CSMD1: variants seen among roughly 807,000 people sequenced by gnomAD.
CSMD1 encodes the protein CUB and sushi domain-containing protein 1.
Under a neutral mutation model 417.5 loss-of-function variants are expected in CSMD1, and 213 were observed. The observed-to-expected ratio is 0.51, with a 90% CI of 0.46 to 0.57. CSMD1 has a LOEUF of 0.57. Among genes scored for constraint, CSMD1 ranks in the 20% least tolerant of loss-of-function variants. The pLI, the probability that CSMD1 is intolerant of heterozygous loss-of-function variation, is 0.00. For missense variants in CSMD1, 6,923 were observed against 4,529.7 expected (o/e 1.53, Z -15.17); for synonymous variants, 2,862 against 1,736.8 (o/e 1.65, Z -16.11).
In CSMD1 at chr8:4,891,433, A is replaced by G. The variant is rs572264091; in HGVS notation, c.85+102899T>C. On this transcript the variant is annotated intron_variant, in intron 1 of 69. Coordinates refer to ENST00000635120, the MANE Select transcript of CSMD1 (RefSeq NM_033225.6). ...AGCTTTCATTCCTCTGATACATGCTACTGTGTGTGAACCTAATTTAAGTTT... is the reference window on the plus strand; with the variant it reads ...AGCTTTCATTCCTCTGATACATGCTGCTGTGTGTGAACCTAATTTAAGTTT... Among the ~76,000 whole-genome samples the G allele has an allele frequency of 5.3e-5, 8 of 152,254 alleles. No homozygotes were observed. The South Asian group carries it at 1.7e-3, about 32-fold the overall frequency.
chr8:3,034,846 T>C (rs935867780), intron 50 of CSMD1, among the ~76,000 whole-genome samples: 1 of 152,150 alleles, frequency 6.6e-6, no homozygotes, highest in Non-Finnish European at 1.5e-5. Flanking sequence ...GATGGTAGAA[T>C]ACATGAAGCT....
intron 35 of CSMD1, among the ~76,000 whole-genome samples, 157 bp downstream of exon 35, chr8:3,188,730 G>C (rs1265980714): frequency 6.6e-6 from 1 of 152,032 alleles, no homozygotes; most frequent in Non-Finnish European, 1.5e-5. Context: ...AAGGGAAACA[G>C]AGTATAGTCT....
intron 1 of CSMD1, among the ~76,000 whole-genome samples, chr8:4,948,238 AG>A (rs2117269973): frequency 6.6e-6 from 1 of 152,200 alleles, no homozygotes; most frequent in Non-Finnish European, 1.5e-5. Flanking sequence ...AATAGTATCA[AG>A]GTTTTAATTT....
intron 1 of CSMD1, among the ~76,000 whole-genome samples, chr8:4,948,320 T>G (rs1808502848): frequency 6.6e-6 from 1 of 152,112 alleles, no homozygotes; most frequent in South Asian, 2.1e-4. Context: ...TTTGTTTTCC[T>G]TTTTTGAAGT....
Position 3,708,453 on chromosome 8 carries a change from T to A in CSMD1, c.970A>T (p.Met324Leu). ...AIELKSRGVK[M>L]LPSKDGSHKN... ...TGGCTTCCATCCTTGCTGGGCAGCA[T>A]CTTGACTCCTCTTGACTTCAACTCA... Residue 324 changes from methionine (M) to leucine (L), a missense_variant, in exon 7 of 70, where the codon ATG (methionine) becomes TTG (leucine). Met to Leu is a conservative substitution (Grantham distance 15). Transcript: ENST00000635120. 1 of 1,613,940 alleles carries A rather than the reference T, an allele frequency of 6.2e-7. No homozygotes were observed. The highest frequency in any genetic ancestry group is 2.2e-5 in the East Asian group (1 of 44,878).
chr8:3,700,897 C>T (rs1311797338), intron 7 of CSMD1, among the ~76,000 whole-genome samples: 2 of 152,018 alleles, frequency 1.3e-5, no homozygotes, highest in Non-Finnish European at 2.9e-5. Flanking sequence ...TGTGGTTCTA[C>T]TGATATTTCA....
At chr8:3,731,386 A>G (rs1183173073) in intron 6 of CSMD1, among the ~76,000 whole-genome samples, 1 of 152,198 alleles carries the variant, frequency 6.6e-6, no homozygotes, top group Non-Finnish European at 1.5e-5. Context: ...ACAGGGAGAA[A>G]TGTTGCTTGT....
chr8:4,182,829 G>A (rs990897199), intron 3 of CSMD1, among the ~76,000 whole-genome samples: 3 of 152,086 alleles, frequency 2.0e-5, no homozygotes, highest in Non-Finnish European at 4.4e-5. Flanking sequence ...AATTATAAGG[G>A]TCATTCTAAT....
intron 12 of CSMD1, among the ~76,000 whole-genome samples, chr8:3,413,969 T>G (rs77560164): frequency 0.013 from 1,930 of 151,492 alleles, 42 homozygotes; most frequent in African/African-American, 0.045. Context: ...TGAAACCCTA[T>G]CTCTACTAAA....
chr8:2,981,056 T>C (rs551282935), intron 54 of CSMD1, among the ~76,000 whole-genome samples: 1 of 152,328 alleles, frequency 6.6e-6, no homozygotes, highest in Admixed American at 6.5e-5. Context: ...TTTATGTTCC[T>C]TCCTATTTAA....
At chr8:4,403,329 T>C (rs1317064091) in intron 3 of CSMD1, among the ~76,000 whole-genome samples, 1 of 152,164 alleles carries the variant, frequency 6.6e-6, no homozygotes, top group Non-Finnish European at 1.5e-5. Context: ...TCCTTACATT[T>C]CATTTTAGAA....
At chr8:4,912,826 C>T (rs1232654886) in intron 1 of CSMD1, among the ~76,000 whole-genome samples, 1 of 151,928 alleles carries the variant, frequency 6.6e-6, no homozygotes, top group Non-Finnish European at 1.5e-5. Flanking sequence ...TGCTCTGTCT[C>T]CTAGACTAGA....
At position 3,558,604 on chromosome 8, in the gene CSMD1, G is replaced by A. The variant is rs568439839; in HGVS notation, c.1344+16341C>T. 1.4e-3 allele frequency among the ~76,000 whole-genome samples: 182 copies of A among 127,634 alleles called. 3 individuals carry two copies. The highest frequency in any genetic ancestry group is 6.5e-3 in the African/African-American group (175 of 26,726). 83.7% of individuals were successfully genotyped at this position (127,634 alleles called of 152,430 possible). On this transcript the variant is annotated intron_variant, in intron 10 of 69. Coordinates refer to ENST00000635120, the MANE Select transcript of CSMD1 (RefSeq NM_033225.6). ...GAATGGTGTCTCAATAGTACCCCGT[G>A]TCCACTCCTCCAATGATGAATAGTG... is the stretch of plus-strand genomic sequence containing the variant.
chr8:3,000,196 A>T, intron 52 of CSMD1, 65 bp from the exon 53 acceptor site: 1 of 1,182,864 alleles, frequency 8.5e-7, no homozygotes, highest in Non-Finnish European at 1.2e-6. Flanking sequence ...GTACATTCAC[A>T]ACTTTTATTA....
intron 10 of CSMD1, among the ~76,000 whole-genome samples, chr8:3,544,345 AT>A (rs1386599140): frequency 5.3e-5 from 8 of 152,222 alleles, no homozygotes; most frequent in African/African-American, 1.9e-4. Flanking sequence ...TTAATCCTTT[AT>A]CACAAACCCT....
intron 65 of CSMD1, among the ~76,000 whole-genome samples, chr8:2,953,174 C>T (rs893196361): frequency 8.6e-5 from 13 of 151,906 alleles, no homozygotes; most frequent in African/African-American, 2.7e-4. Context: ...GAACATGTTG[C>T]CTGGATAAAG....
intron 7 of CSMD1, among the ~76,000 whole-genome samples, chr8:3,628,593 G>C (rs376783890): frequency 2.6e-5 from 4 of 152,198 alleles, no homozygotes; most frequent in African/African-American, 7.2e-5. Context: ...ATCATGGCAA[G>C]TGCAGGGGGA....
intron 3 of CSMD1, among the ~76,000 whole-genome samples, chr8:4,355,155 A>G (rs1263067076): frequency 3.3e-5 from 5 of 151,878 alleles, no homozygotes; most frequent in Non-Finnish European, 5.9e-5. Context: ...CCAGCTACTC[A>G]GGAGGCTGAG....
chr8:4,356,188 C>G (rs1043427375), intron 3 of CSMD1, among the ~76,000 whole-genome samples: 2 of 152,140 alleles, frequency 1.3e-5, no homozygotes, highest in African/African-American at 4.8e-5. Flanking sequence ...TGCCACAAAT[C>G]AGTGGGAAGA....
Sources: allele counts gnomAD v4.1 joint callset (sites outside exome capture counted in the v4.1 genomes callset), GRCh38; gene constraint gnomAD v4.1.1; transcripts MANE v1.5; gene names NCBI Gene and HGNC (gene_info 2026-07-23, HGNC 2026-07-21).